The following REXO5 variants were observed in gnomAD, a reference collection of about 807,000 sequenced individuals.
REXO5 encodes exonuclease NEF-sp.
Under a neutral mutation model 88.5 loss-of-function variants are expected in REXO5, and 48 were observed. That is an observed-to-expected ratio of 0.54 (90% CI 0.43 to 0.69). REXO5 has a LOEUF of 0.69. REXO5 is among the 30% of genes least tolerant of loss of function. REXO5 has a pLI of 0.00. For synonymous variants in REXO5, 311 were observed against 336.5 expected (o/e 0.92, Z 0.83); for missense variants, 749 against 912.2 (o/e 0.82, Z 2.30).
At position 20,845,163 on chromosome 16, in the gene REXO5, C is replaced by T; in HGVS notation, c.2046C>T (p.Leu682=). ...CCCCCAGGCACCTCCATGCCTGGCT[C>T]AGAGGCTTACCACCTGAATCAACAA... ...ALTPRHLHAW[L]RGLPPESTRL... The change falls in exon 18 of 20, where the codon CTC becomes CTT. Residue 682 remains leucine (L), a synonymous_variant. Coordinates refer to ENST00000261377, the MANE Select transcript of REXO5 (RefSeq NM_030941.3). The T allele has an allele frequency of 6.2e-7, 1 of 1,614,140 alleles. No homozygotes were observed. The highest frequency in any genetic ancestry group is 8.5e-7 in the Non-Finnish European group (1 of 1,180,026).
chr16:20,829,739 C>G (rs1002254542), intron 11 of REXO5, among the ~76,000 whole-genome samples: 1 of 152,190 alleles, frequency 6.6e-6, no homozygotes, highest in African/African-American at 2.4e-5. Flanking sequence ...CAATTTTATA[C>G]ATGAGCCTTT....
At chr16:20,828,393 TAA>T in intron 10 of REXO5, 40 bp from the exon 11 acceptor site, 1 of 1,241,878 alleles carries the variant, frequency 8.1e-7, no homozygotes, top group Non-Finnish European at 1.2e-6. Context: ...AGCCTATCAT[TAA>T]AAGTGCTTCC....
chr16:20,837,985 C>G (rs747401162), intron 13 of REXO5, among the ~76,000 whole-genome samples: 7 of 152,086 alleles, frequency 4.6e-5, no homozygotes, highest in Non-Finnish European at 1.0e-4. Context: ...AGGCTCGTCT[C>G]AAAACTCCTG....
intron 15 of REXO5, among the ~76,000 whole-genome samples, chr16:20,842,531 GT>G (rs1233299043): frequency 6.8e-6 from 1 of 147,748 alleles, no homozygotes; most frequent in Non-Finnish European, 1.5e-5. Flanking sequence ...CTGGAGTTCA[GT>G]GGCGTGATCA....
In REXO5 at chr16:20,807,451, T is replaced by C. The variant is rs2080906624; in HGVS notation, c.138+360T>C. On this transcript the variant is annotated intron_variant, in intron 2 of 19. Transcript: ENST00000261377. The stretch of plus-strand genomic sequence containing the variant: ...ACACAAAATTAGCCAGGCGTGGTAG[T>C]GGGTGACTGTAATCCCACCTACTTG... The C allele has an allele frequency of 2.8e-5, 7 of 252,994 alleles. No individual in the cohort carries two copies. The South Asian group carries it at 3.2e-4, about 12-fold the overall frequency. 15.7% of individuals were successfully genotyped at this position (252,994 alleles called of 1,614,324 possible). A position where few individuals can be genotyped will look rare whatever the true frequency, so the allele number is the denominator to read the frequency against.
In REXO5 at chr16:20,836,038, C is replaced by CA. The variant is rs546638740; in HGVS notation, c.1383+2923dup. Among the ~76,000 whole-genome samples the CA allele has an allele frequency of 1.3e-3, 190 of 151,742 alleles. 4 individuals are homozygous for CA. The South Asian group carries it at 0.028, about 22-fold the overall frequency. On this transcript the variant is annotated intron_variant, in intron 13 of 19. Coordinates refer to ENST00000261377, the MANE Select transcript of REXO5 (RefSeq NM_030941.3). ...CAGCCTGGCAACAGAGACCCTGTCTCAAAAAAAAGAAAGTACAGAGAGTTC... is the reference window on the plus strand; with the variant it reads ...CAGCCTGGCAACAGAGACCCTGTCTCAAAAAAAAAGAAAGTACAGAGAGTTC...
intron 14 of REXO5, 72 bp from the exon 15 acceptor site, chr16:20,840,259 A>G (rs552653475): frequency 7.7e-7 from 1 of 1,304,426 alleles, no homozygotes; most frequent in African/African-American, 1.5e-5. Flanking sequence ...GAATAATCCC[A>G]TGCATTGACT....
rs750891180 is a variant in REXO5 at position 20,813,284 on chromosome 16, C to T, written c.233C>T (p.Ser78Phe). Residue 78 changes from serine to phenylalanine, a missense_variant, in exon 3 of 20, where the codon TCC becomes TTC. By Grantham distance (155) the Ser-to-Phe change is radical. Transcript: ENST00000261377. ...CTGAAGTATGCAGTTCTGGGCAAATCCAATGTTCCAAAACCCAGGTATGAG... is the reference window on the plus strand; with the variant it reads ...CTGAAGTATGCAGTTCTGGGCAAATTCAATGTTCCAAAACCCAGGTATGAG... ...ELLKYAVLGK[S>F]NVPKPSWCQL... 6.2e-6 allele frequency: 10 copies of T among 1,610,758 alleles called. No homozygotes were observed. The highest frequency in any genetic ancestry group is 8.5e-6 in the Non-Finnish European group (10 of 1,177,448).
At chr16:20,823,054 TATC>T (rs1326650964) in intron 6 of REXO5, among the ~76,000 whole-genome samples, 3 of 152,234 alleles carry the variant, frequency 2.0e-5, no homozygotes, top group Admixed American at 2.0e-4. Context: ...CATTTACTAT[TATC>T]TTGTCTGAAT....
intron 5 of REXO5, among the ~76,000 whole-genome samples, chr16:20,818,137 A>G (rs1369615936): frequency 1.3e-5 from 2 of 152,190 alleles, no homozygotes; most frequent in East Asian, 3.8e-4. Flanking sequence ...CTCATCCTAT[A>G]CAAAATATAT....
intron 3 of REXO5, 117 bp from the exon 4 acceptor site, chr16:20,814,810 A>G (rs879055824): frequency 9.9e-7 from 1 of 1,011,774 alleles, no homozygotes; most frequent in Admixed American, 2.9e-5. Flanking sequence ...ATGGTGATAA[A>G]TTCTATTAAC....
chr16:20,844,932 T>G, intron 17 of REXO5, 87 bp downstream of exon 17: 1 of 1,541,418 alleles, frequency 6.5e-7, no homozygotes, highest in Non-Finnish European at 8.9e-7. Context: ...ATTCACCTCC[T>G]GGGCTGGACC....
Position 20,827,031 on chromosome 16 carries a change from T to C in REXO5, c.822-27T>C, listed in dbSNP as rs746668467. On this transcript the variant is annotated intron_variant, in intron 8 of 19. Coordinates refer to ENST00000261377, the MANE Select transcript of REXO5 (RefSeq NM_030941.3). Reference sequence around the variant, plus strand: ...AGGAAAACTTGTTAATATCCTAGCCTGTCCATTTCTCTTTTTTTAATGAAA... The same window carrying C: ...AGGAAAACTTGTTAATATCCTAGCCCGTCCATTTCTCTTTTTTTAATGAAA... The C allele has an allele frequency of 3.7e-6, 6 of 1,612,752 alleles. No homozygotes were observed. The East Asian group carries it at 8.9e-5, about 24-fold the overall frequency.
chr16:20,830,498 A>G (rs576416595), intron 11 of REXO5, among the ~76,000 whole-genome samples: 101 of 152,056 alleles, frequency 6.6e-4, no homozygotes, highest in African/African-American at 2.4e-3. Context: ...GCCTGGCCCA[A>G]GAGGATTTAA....
intron 7 of REXO5, among the ~76,000 whole-genome samples, chr16:20,825,081 C>T (rs546167414): frequency 6.6e-6 from 1 of 151,962 alleles, no homozygotes; most frequent in African/African-American, 2.4e-5. Context: ...GAAGTTGATT[C>T]CTTGTGTTTG....
intron 16 of REXO5, 45 bp from the exon 17 acceptor site, chr16:20,844,584 G>A: frequency 6.4e-7 from 1 of 1,560,714 alleles, no homozygotes; most frequent in Non-Finnish European, 8.8e-7. Flanking sequence ...TAGGCCTGAG[G>A]ATTAAATTGA....
rs2080878807 is a variant in REXO5, at chr16:20,806,545, T to C, written c.-163T>C. 5.3e-6 allele frequency: 8 copies of C among 1,519,526 alleles called. No homozygotes were observed. The highest frequency in any genetic ancestry group is 5.3e-6 in the Non-Finnish European group (6 of 1,135,074). The allele number at this position is 1,519,526 out of a possible 1,614,324, so 94.1% of individuals were successfully genotyped here. A position where few individuals can be genotyped will look rare whatever the true frequency, so the allele number is the denominator to read the frequency against. On this transcript the variant is annotated 5_prime_UTR_variant, in exon 1 of 20. Coordinates refer to ENST00000261377, the MANE Select transcript of REXO5 (RefSeq NM_030941.3). ...GGCGGTTGTTGTTGGCAGCTGTGGC[T>C]AAGGAGGGGAGAACCTCTGCTCCCC...
intron 11 of REXO5, among the ~76,000 whole-genome samples, chr16:20,830,013 ATT>A (rs2081317295): frequency 1.3e-5 from 2 of 152,134 alleles, no homozygotes; most frequent in African/African-American, 4.8e-5. Context: ...ATAAAACTTT[ATT>A]TATTTACAAA....
chr16:20,819,447 C>CT (rs35337424), intron 5 of REXO5, among the ~76,000 whole-genome samples: 3,000 of 123,422 alleles, frequency 0.024, 73 homozygotes, highest in African/African-American at 0.058. Flanking sequence ...TTCTTTCCTC[C>CT]TTTTTTTTTT....
Sources: allele counts gnomAD v4.1 joint callset (sites outside exome capture counted in the v4.1 genomes callset), GRCh38; gene constraint gnomAD v4.1.1; transcripts MANE v1.5; gene names NCBI Gene and HGNC (gene_info 2026-07-23, HGNC 2026-07-21).